Variants in LMOD1 observed in about 807,000 individuals in gnomAD.
LMOD1 encodes the protein leiomodin 1.
Under a neutral mutation model 36.5 loss-of-function variants are expected in LMOD1, and 8 were observed. The ratio of observed to expected loss-of-function variants is 0.22; its 90% CI spans 0.13 to 0.40. The LOEUF (loss-of-function observed/expected upper bound fraction) is 0.40, where lower values mean the gene tolerates loss of function less well. LMOD1 is among the 10% of genes least tolerant of loss of function. The pLI is 1.00. For missense variants in LMOD1, 630 were observed against 751.1 expected (o/e 0.84, Z 1.88); for synonymous variants, 284 against 288.7 (o/e 0.98, Z 0.17).
intron 1 of LMOD1, among the ~76,000 whole-genome samples, chr1:201,907,277 G>A (rs1297656477): frequency 6.6e-6 from 1 of 152,182 alleles, no homozygotes; most frequent in Non-Finnish European, 1.5e-5. Flanking sequence ...TATGTACAAT[G>A]GGACTGATCC....
intron 1 of LMOD1, among the ~76,000 whole-genome samples, chr1:201,911,406 T>C (rs148333327): frequency 6.6e-6 from 1 of 152,316 alleles, no homozygotes; most frequent in East Asian, 1.9e-4. Context: ...GGCTCACACC[T>C]ATAATCCCAG....
At chr1:201,900,796 G>T in intron 1 of LMOD1, 45 bp from the exon 2 acceptor site, 1 of 1,516,678 alleles carries the variant, frequency 6.6e-7, no homozygotes, top group South Asian at 1.3e-5. Flanking sequence ...GCTGGCTACA[G>T]AGGGAGAGGA....
chr1:201,909,066 A>T (rs747276470), intron 1 of LMOD1, among the ~76,000 whole-genome samples: 3 of 152,238 alleles, frequency 2.0e-5, no homozygotes, highest in Non-Finnish European at 4.4e-5. Flanking sequence ...CCAGGGGAAC[A>T]TGTATACCTG....
At position 201,896,866 on chromosome 1, in the gene LMOD1, A is replaced by G. The variant is rs1681203474; in HGVS notation, c.*1506T>C. The G allele has an allele frequency of 1.4e-5, 5 of 366,150 alleles. No individual in the cohort carries two copies. Among genetic ancestry groups the G allele is most frequent in the Admixed American group, 6.7e-5 (2 of 29,846 alleles). 22.7% of individuals were successfully genotyped at this position (366,150 alleles called of 1,614,324 possible). ...CTCTGGTTTTGGTCAGACCTAGCACAGCGATCTTGCTTCCTAGCTGGGGCA... is the reference window on the plus strand; with the variant it reads ...CTCTGGTTTTGGTCAGACCTAGCACGGCGATCTTGCTTCCTAGCTGGGGCA... On this transcript the variant is annotated 3_prime_UTR_variant, in exon 3 of 3. Coordinates refer to ENST00000367288, the MANE Select transcript of LMOD1 (RefSeq NM_012134.3).
intron 1 of LMOD1, among the ~76,000 whole-genome samples, chr1:201,901,511 A>AATATATATATATATATATATGTAT (rs1553295627): frequency 1.9e-4 from 14 of 75,224 alleles, no homozygotes; most frequent in Non-Finnish European, 2.6e-4. Flanking sequence ...TCAAAAAAAA[A>AATATATATATATATATATATGTAT]ATATATATAT....
intron 1 of LMOD1, among the ~76,000 whole-genome samples, chr1:201,936,159 AC>A (rs1339608027): frequency 6.7e-6 from 1 of 149,478 alleles, no homozygotes; most frequent in African/African-American, 2.5e-5. Context: ...AGTACTGATC[AC>A]CCCGACTCTT....
intron 1 of LMOD1, among the ~76,000 whole-genome samples, chr1:201,901,471 C>G (rs1681298043): frequency 7.1e-6 from 1 of 140,656 alleles, no homozygotes; most frequent in African/African-American, 2.7e-5. Context: ...CATTGCACTC[C>G]AGCCTAAGCA....
intron 1 of LMOD1, among the ~76,000 whole-genome samples, chr1:201,932,474 G>A (rs934495584): frequency 2.6e-5 from 4 of 152,048 alleles, no homozygotes; most frequent in Admixed American, 6.6e-5. Flanking sequence ...ACGATGGGCC[G>A]GGAGTGGTGG....
At position 201,899,551 on chromosome 1, in the gene LMOD1, C is replaced by T; in HGVS notation, c.1462G>A (p.Ala488Thr). The change falls in exon 2 of 3, where the codon GCC becomes ACC. Residue 488 changes from alanine (A) to threonine (T), a missense_variant. Physicochemically the swap from Ala to Thr is moderately conservative, Grantham distance 58. Transcript: ENST00000367288. This position sits in a 1 kb window ranked among gnomAD's most constrained non-coding sequence, Gnocchi z 6.3. ...AGCAGATCCTTCTTCTCTCCCTTGG[C>T]TTCCTGTGCCTGCCTTTGCTCCTGC... ...RLQEQRQAQE[A>T]KGEKKDLLEV... is the part of the protein sequence containing the mutation. 6.2e-7 allele frequency: 1 copy of T among 1,613,772 alleles called. No homozygotes were observed. Among genetic ancestry groups the T allele is most frequent in the Non-Finnish European group, 8.5e-7 (1 of 1,179,796 alleles).
Position 201,900,513 on chromosome 1 carries a change from A to C in LMOD1, c.500T>G (p.Val167Gly). Residue 167 changes from valine to glycine, a missense_variant, in exon 2 of 3, where the codon GTG (valine) becomes GGG (glycine). Transcript: ENST00000367288. ...ATCCTTCCCTGCCTCCTTCTTATCC[A>C]CTGCAGCCCTGACCCGGCCCTTGTC... is the stretch of plus-strand genomic sequence containing the variant. ...GIDKGRVRAA[V>G]DKKEAGKDGR... is the part of the protein sequence containing the mutation. 1 of 1,609,450 alleles carries C rather than the reference A, an allele frequency of 6.2e-7. No individual in the cohort carries two copies. Among genetic ancestry groups the C allele is most frequent in the Admixed American group, 1.7e-5 (1 of 59,656 alleles).
intron 1 of LMOD1, among the ~76,000 whole-genome samples, chr1:201,927,481 G>C (rs1254954802): frequency 6.6e-6 from 1 of 151,576 alleles, no homozygotes; most frequent in Non-Finnish European, 1.5e-5. Context: ...CAGGAGAATC[G>C]CTTGAACCCA....
intron 1 of LMOD1, among the ~76,000 whole-genome samples, chr1:201,930,216 A>G (rs1330018718): frequency 6.6e-6 from 1 of 152,218 alleles, no homozygotes; most frequent in African/African-American, 2.4e-5. Context: ...CGGAAGCTAC[A>G]CTGAGTAATT....
Position 201,899,567 on chromosome 1 carries a change from T to G in LMOD1, c.1446A>C (p.Gln482His). 6.2e-7 allele frequency: 1 copy of G among 1,613,616 alleles called. No individual in the cohort carries two copies. ...DKQRQKRLQE[Q>H]RQAQEAKGEK... is the part of the protein sequence containing the mutation. ...CTCCCTTGGCTTCCTGTGCCTGCCT[T>G]TGCTCCTGCAGCCGCTTTTGTCTCT... The change falls in exon 2 of 3, where the codon CAA becomes CAC. Residue 482 changes from glutamine (Q) to histidine (H), a missense_variant. Gln to His is a conservative substitution (Grantham distance 24, BLOSUM62 0). Around this residue, in one of 3 missense-constraint regions of LMOD1, gnomAD observed 144 missense variants for 169.8 expected, o/e 0.85. Coordinates refer to ENST00000367288, the MANE Select transcript of LMOD1 (RefSeq NM_012134.3). The surrounding 1 kb of genome is among the most constrained non-coding windows in gnomAD (Gnocchi z 6.3).
intron 1 of LMOD1, among the ~76,000 whole-genome samples, chr1:201,913,628 A>G (rs894319337): frequency 2.0e-5 from 3 of 152,168 alleles, no homozygotes; most frequent in African/African-American, 7.2e-5. Flanking sequence ...AATAAAAACT[A>G]TGCTGTTCCA....
At chr1:201,933,031 T>C (rs1369655084) in intron 1 of LMOD1, among the ~76,000 whole-genome samples, 2 of 152,216 alleles carry the variant, frequency 1.3e-5, no homozygotes, top group Non-Finnish European at 2.9e-5. Flanking sequence ...AGTCCCAGAC[T>C]GGAAACAACC....
chr1:201,901,723 C>G (rs1439097070), intron 1 of LMOD1, among the ~76,000 whole-genome samples: 2 of 136,032 alleles, frequency 1.5e-5, no homozygotes, highest in Non-Finnish European at 3.1e-5. Context: ...CATCAGTTAT[C>G]TTGCTCACTG....
rs552160289 is a variant in LMOD1 at position 201,914,380 on chromosome 1, G to A, written c.262-13629C>T. Among the ~76,000 whole-genome samples, 202 of 152,272 alleles carry A rather than the reference G, an allele frequency of 1.3e-3. 1 individual carries two copies. Among genetic ancestry groups the A allele is most frequent in the African/African-American group, 4.5e-3 (189 of 41,548 alleles). ...TTTGCTCTTATGTCAACATGGACAG[G>A]TTAATTTGCCTTCCTCATCTGTAAA... On this transcript the variant is annotated intron_variant, in intron 1 of 2. Transcript: ENST00000367288.
chr1:201,944,740 G>C (rs973126612), intron 1 of LMOD1, among the ~76,000 whole-genome samples: 16 of 151,718 alleles, frequency 1.1e-4, no homozygotes, highest in East Asian at 1.9e-4. Flanking sequence ...GGCGGGGGGG[G>C]GCGGTAGGGA....
chr1:201,930,569 G>A (rs1024400683), intron 1 of LMOD1, among the ~76,000 whole-genome samples: 10 of 152,132 alleles, frequency 6.6e-5, no homozygotes, highest in African/African-American at 2.4e-4. Flanking sequence ...GTGGGGTGAC[G>A]ATGATTAATT....
Sources: allele counts gnomAD v4.1 joint callset (sites outside exome capture counted in the v4.1 genomes callset), GRCh38; gene constraint gnomAD v4.1.1; regional missense constraint gnomAD v4.1.1; non-coding constraint Gnocchi (gnomAD v3.1); transcripts MANE v1.5; gene names NCBI Gene and HGNC (gene_info 2026-07-23, HGNC 2026-07-21).